The following LRBA variants were observed in gnomAD, a reference collection of about 807,000 sequenced individuals.
The protein encoded by LRBA is LPS responsive beige-like anchor protein, also known as lipopolysaccharide-responsive and beige-like anchor protein.
LRBA carries 176 observed loss-of-function variants against 330.0 expected under a neutral mutation model. The observed-to-expected ratio is 0.53, with a 90% confidence interval of 0.47 to 0.60. The LOEUF is 0.60. LRBA is among the 20% of genes least tolerant of loss of function. LRBA has a pLI of 0.00. For synonymous variants in LRBA, 1,230 were observed against 1,193.0 expected (o/e 1.03, Z -0.64); for missense variants, 3,259 against 3,444.8 (o/e 0.95, Z 1.35).
Position 150,316,255 on chromosome 4 carries a change from AATTT to A in LRBA, c.7631-636_7631-633del, listed in dbSNP as rs1311496642. 1.1e-4 allele frequency among the ~76,000 whole-genome samples: 17 copies of A among 152,296 alleles called. No individual in the cohort carries two copies. In the East Asian group the frequency reaches 3.3e-3, roughly 29 times the overall value. Reference sequence around the variant, plus strand: ...TAATATTTAATATTTCCATGGTTTCAATTTAAAAATACTCTGAGAAGGAGATGAA... The same window carrying A: ...TAATATTTAATATTTCCATGGTTTCAAAAAATACTCTGAGAAGGAGATGAA... On this transcript the variant is annotated intron_variant, in intron 50 of 56. Transcript: ENST00000651943.
In LRBA at chr4:150,312,351, A is replaced by T. The variant is rs538693098; in HGVS notation, c.7694-1967T>A. ...AAGAGATACACAGGTTCAGAAGTTA[A>T]TACCAGTAATTTTCTAATTCCTCAA... is the stretch of plus-strand genomic sequence containing the variant. On this transcript the variant is annotated intron_variant, in intron 51 of 56. Transcript: ENST00000651943. Among the ~76,000 whole-genome samples, 4 of 152,254 alleles carry T rather than the reference A, an allele frequency of 2.6e-5. No individual in the cohort carries two copies. In the East Asian group the frequency reaches 5.8e-4, roughly 22 times the overall value.
At chr4:150,542,921 A>G in intron 40 of LRBA, among the ~76,000 whole-genome samples, 1 of 152,322 alleles carries the variant, frequency 6.6e-6, no homozygotes, top group South Asian at 2.1e-4. Context: ...TGGTGGTACT[A>G]AAAAATTAGA....
At chr4:150,791,125 A>C (rs1578793489) in intron 34 of LRBA, among the ~76,000 whole-genome samples, 1 of 152,156 alleles carries the variant, frequency 6.6e-6, no homozygotes, top group Non-Finnish European at 1.5e-5. Context: ...TTCATGGAAC[A>C]ATTTCTTTTG....
At chr4:150,452,640 A>AG (rs1753507645) in intron 44 of LRBA, among the ~76,000 whole-genome samples, 2 of 151,360 alleles carry the variant, frequency 1.3e-5, no homozygotes, top group South Asian at 2.1e-4. Flanking sequence ...AAAAAAAAAA[A>AG]GAAGGGAACT....
intron 47 of LRBA, among the ~76,000 whole-genome samples, chr4:150,402,853 C>T (rs1196987383): frequency 6.6e-6 from 1 of 151,606 alleles, no homozygotes; most frequent in Non-Finnish European, 1.5e-5. Flanking sequence ...AGGAATCAAC[C>T]GGACCACAAA....
intron 37 of LRBA, among the ~76,000 whole-genome samples, chr4:150,638,006 G>T (rs1383637048): frequency 6.6e-6 from 1 of 151,928 alleles, no homozygotes; most frequent in Non-Finnish European, 1.5e-5. Flanking sequence ...TTACATAGGG[G>T]ATTATATTGA....
At position 150,663,434 on chromosome 4, in the gene LRBA, G is replaced by C. The variant is rs1412511468; in HGVS notation, c.5921+20117C>G. ...ATTACTGTCTACCAAAATTTGGTAG[G>C]ATGTCATATGATATAAAAATACCAG... On this transcript the variant is annotated intron_variant, in intron 37 of 56. Transcript: ENST00000651943. 2.0e-5 allele frequency among the ~76,000 whole-genome samples: 3 copies of C among 151,582 alleles called. No homozygotes were observed. The East Asian group carries it at 5.8e-4, about 29-fold the overall frequency.
chr4:150,507,444 C>G (rs1761245174), intron 40 of LRBA, among the ~76,000 whole-genome samples: 1 of 152,008 alleles, frequency 6.6e-6, no homozygotes, highest in South Asian at 2.1e-4. Context: ...ACTATCTGAT[C>G]TTTGACAAAC....
intron 48 of LRBA, among the ~76,000 whole-genome samples, chr4:150,330,058 C>T (rs532889572): frequency 6.6e-6 from 1 of 152,288 alleles, no homozygotes; most frequent in South Asian, 2.1e-4. Context: ...GATCAAATGT[C>T]TTCAAGTGAT....
At chr4:150,420,326 TTATAGTATAAAGTATATATAATAC>T (rs1581254993) in intron 46 of LRBA, among the ~76,000 whole-genome samples, 1 of 145,664 alleles carries the variant, frequency 6.9e-6, no homozygotes, top group East Asian at 2.0e-4. Flanking sequence ...ATAATGCACA[TTATAGTATAAAGTATATATAATAC>T]ACATTATAGT....
chr4:150,285,167 T>C (rs6817154), intron 54 of LRBA, among the ~76,000 whole-genome samples: 39,711 of 152,136 alleles, frequency 0.26, 5,401 homozygotes, highest in Non-Finnish European at 0.3. Context: ...ACAGAGGAGC[T>C]GATCCAAATA....
intron 48 of LRBA, among the ~76,000 whole-genome samples, chr4:150,335,082 G>A (rs1269929063): frequency 2.0e-5 from 3 of 151,684 alleles, no homozygotes; most frequent in African/African-American, 2.4e-5. Context: ...CGCCTGCCTC[G>A]GCCTCCCAAA....
chr4:150,484,635 AT>A (rs886249272), intron 42 of LRBA, among the ~76,000 whole-genome samples: 2 of 150,750 alleles, frequency 1.3e-5, no homozygotes, highest in African/African-American at 4.9e-5. Flanking sequence ...TATTTTTATT[AT>A]TTTTTTCTTT....
At chr4:150,445,219 C>T (rs1752431821) in intron 44 of LRBA, among the ~76,000 whole-genome samples, 2 of 151,866 alleles carry the variant, frequency 1.3e-5, no homozygotes, top group Admixed American at 1.3e-4. Context: ...ATTCTGCTAG[C>T]TTCTATAAAC....
At chr4:150,985,014 T>G (rs1381236913) in intron 2 of LRBA, among the ~76,000 whole-genome samples, 2 of 152,106 alleles carry the variant, frequency 1.3e-5, no homozygotes, top group East Asian at 3.8e-4. Flanking sequence ...TCCCAGTACT[T>G]TGGGAGGCCA....
intron 44 of LRBA, among the ~76,000 whole-genome samples, chr4:150,445,253 C>T (rs2152015911): frequency 6.6e-6 from 1 of 151,012 alleles, no homozygotes; most frequent in East Asian, 2.0e-4. Context: ...AAATTGGGAA[C>T]TACTTAAGAA....
At chr4:150,508,426 C>G (rs1312084024) in intron 40 of LRBA, among the ~76,000 whole-genome samples, 2 of 151,856 alleles carry the variant, frequency 1.3e-5, no homozygotes, top group Non-Finnish European at 2.9e-5. Context: ...GGGACTAGGA[C>G]TACAGGTGCC....
chr4:151,000,792 T>C (rs1433017591), intron 2 of LRBA, among the ~76,000 whole-genome samples: 1 of 152,198 alleles, frequency 6.6e-6, no homozygotes, highest in African/African-American at 2.4e-5. Flanking sequence ...TAATCACACC[T>C]TGAATAGATA....
rs917699937 is a variant in LRBA, at chr4:150,961,145, C to T, written c.217-32080G>A. Among the ~76,000 whole-genome samples the T allele has an allele frequency of 1.0e-4, 15 of 149,130 alleles. 3 individuals are homozygous for T. Among genetic ancestry groups the T allele is most frequent in the African/African-American group, 3.9e-4 (15 of 38,580 alleles). ...ATTGGCTGTGGCTGTAGATGAGATT[C>T]AGCTGTGGGTGGCCTCAGCTCACCA... On this transcript the variant is annotated intron_variant, in intron 2 of 56. Coordinates refer to ENST00000651943, the MANE Select transcript of LRBA (RefSeq NM_001364905.1).
Sources: gnomAD v4.1 joint callset for allele counts (sites outside exome capture counted in the v4.1 genomes callset) on GRCh38, gnomAD v4.1.1 for gene constraint, MANE v1.5 for transcripts, NCBI Gene and HGNC (gene_info 2026-07-23, HGNC 2026-07-21) for gene names.